Variants in CTNND2 observed in about 807,000 individuals in gnomAD.
The protein encoded by CTNND2 is catenin delta-2.
In CTNND2, 22 loss-of-function variants were observed where a neutral mutation model predicts 144.4. The observed-to-expected ratio is 0.15, with a 90% CI of 0.11 to 0.22. The LOEUF (loss-of-function observed/expected upper bound fraction) is 0.22, where lower values mean the gene tolerates loss of function less well. CTNND2 is among the 10% of genes least tolerant of loss of function. The pLI, the probability that CTNND2 is intolerant of heterozygous loss-of-function variation, is 1.00. For synonymous variants in CTNND2, 751 were observed against 695.6 expected (o/e 1.08, Z -1.25); for missense variants, 1,353 against 1,618.8 (o/e 0.84, Z 2.82).
intron 14 of CTNND2, among the ~76,000 whole-genome samples, chr5:11,110,321 C>T (rs1463646662): frequency 6.6e-6 from 1 of 152,190 alleles, no homozygotes; most frequent in Non-Finnish European, 1.5e-5. Context: ...TGAATTGTTC[C>T]CCACGGCCAA....
At chr5:11,864,256 T>C (rs1048941809) in intron 1 of CTNND2, among the ~76,000 whole-genome samples, 2 of 152,152 alleles carry the variant, frequency 1.3e-5, no homozygotes, top group Admixed American at 6.5e-5. Flanking sequence ...AAATCGTTCT[T>C]CAATTTTAAC....
chr5:11,566,544 T>A (rs1159601975), intron 2 of CTNND2, among the ~76,000 whole-genome samples: 1 of 152,240 alleles, frequency 6.6e-6, no homozygotes, highest in African/African-American at 2.4e-5. Context: ...ACTTTTAAGT[T>A]GATAACACTT....
chr5:11,134,543 G>C (rs1197259735), intron 12 of CTNND2, among the ~76,000 whole-genome samples: 1 of 152,122 alleles, frequency 6.6e-6, no homozygotes, highest in Non-Finnish European at 1.5e-5. Flanking sequence ...AAAACAAAAG[G>C]AAACCCACCA....
At chr5:11,372,541 C>T (rs1412083148) in intron 7 of CTNND2, among the ~76,000 whole-genome samples, 5 of 152,078 alleles carry the variant, frequency 3.3e-5, no homozygotes, top group East Asian at 1.9e-4. Context: ...AACAAAGAAC[C>T]GGTAGGAACC....
intron 2 of CTNND2, among the ~76,000 whole-genome samples, chr5:11,576,399 TTAAA>T (rs1260001868): frequency 2.7e-5 from 4 of 149,976 alleles, no homozygotes; most frequent in South Asian, 2.1e-4. Flanking sequence ...ACAATTAAGA[TTAAA>T]TAATTATATA....
In CTNND2 at chr5:11,214,048, G is replaced by A. The variant is rs56385339; in HGVS notation, c.1762-14387C>T. On this transcript the variant is annotated intron_variant, in intron 10 of 21. Coordinates refer to ENST00000304623, the MANE Select transcript of CTNND2 (RefSeq NM_001332.4). ...CACCACTTGTGGGTTCAGAGGGCCT[G>A]CCTGTAGGTACTCTCCTTTCCAATA... Among the ~76,000 whole-genome samples the A allele has an allele frequency of 7.8e-4, 119 of 152,216 alleles. 1 individual carries two copies. In the South Asian group the frequency reaches 9.5e-3, roughly 12 times the overall value.
chr5:11,233,423 C>T (rs1580661202), intron 10 of CTNND2, among the ~76,000 whole-genome samples: 2 of 152,280 alleles, frequency 1.3e-5, no homozygotes, highest in East Asian at 3.9e-4. Context: ...GTTCAATGGC[C>T]TACCCATTGT....
At chr5:11,048,089 T>C (rs1745464325) in intron 16 of CTNND2, among the ~76,000 whole-genome samples, 1 of 152,094 alleles carries the variant, frequency 6.6e-6, no homozygotes, top group African/African-American at 2.4e-5. Context: ...GTCCATTCAC[T>C]TCAGTACCCT....
chr5:11,899,419 T>C (rs1391886889), intron 1 of CTNND2, among the ~76,000 whole-genome samples: 1 of 152,204 alleles, frequency 6.6e-6, no homozygotes, highest in African/African-American at 2.4e-5. Context: ...TGTTGGGAGA[T>C]ATAATTTACT....
chr5:11,753,445 T>G (rs1788736047), intron 1 of CTNND2, among the ~76,000 whole-genome samples: 1 of 151,886 alleles, frequency 6.6e-6, no homozygotes, highest in Non-Finnish European at 1.5e-5. Context: ...TTTCATGTTT[T>G]TAGTTCTATT....
chr5:11,312,200 CAT>C (rs1751041509), intron 9 of CTNND2, among the ~76,000 whole-genome samples: 5 of 148,568 alleles, frequency 3.4e-5, no homozygotes, highest in Admixed American at 6.7e-5. Context: ...ACTCACCCCA[CAT>C]ACACACTCAC....
In CTNND2 at chr5:11,342,605, T is replaced by C. The variant is rs987903854; in HGVS notation, c.1628+3767A>G. On this transcript the variant is annotated intron_variant, in intron 9 of 21. Coordinates refer to ENST00000304623, the MANE Select transcript of CTNND2 (RefSeq NM_001332.4). Reference sequence around the variant, plus strand: ...TCAAAAAGGGATTAATCAAACACGATTAAAAGTTGCTATTACTGCTACAAT... The same window carrying C: ...TCAAAAAGGGATTAATCAAACACGACTAAAAGTTGCTATTACTGCTACAAT... Among the ~76,000 whole-genome samples the C allele has an allele frequency of 5.3e-5, 8 of 152,244 alleles. No individual in the cohort carries two copies. The East Asian group carries it at 1.5e-3, about 29-fold the overall frequency.
At chr5:11,623,394 AAGGGTTTCCCCT>A (rs1561630403) in intron 2 of CTNND2, among the ~76,000 whole-genome samples, 1 of 151,888 alleles carries the variant, frequency 6.6e-6, no homozygotes, top group East Asian at 1.9e-4. Flanking sequence ...TTATTTTATA[AAGGGTTTCCCCT>A]TTCTCTTGGC....
At chr5:11,809,137 G>A (rs1401303265) in intron 1 of CTNND2, among the ~76,000 whole-genome samples, 1 of 152,146 alleles carries the variant, frequency 6.6e-6, no homozygotes, top group Non-Finnish European at 1.5e-5. Context: ...TGACAAATGT[G>A]GATGTTTTCA....
chr5:11,442,940 T>C (rs1382822603), intron 3 of CTNND2, among the ~76,000 whole-genome samples: 1 of 147,360 alleles, frequency 6.8e-6, no homozygotes, highest in Non-Finnish European at 1.5e-5. Flanking sequence ...AATAAATACA[T>C]ATAATAATTA....
At chr5:11,534,968 C>A (rs549674428) in intron 3 of CTNND2, among the ~76,000 whole-genome samples, 2 of 152,168 alleles carry the variant, frequency 1.3e-5, no homozygotes, top group East Asian at 3.9e-4. Context: ...AGGTGGATCA[C>A]CTGAGGTCAG....
chr5:11,810,791 T>C (rs1792288166), intron 1 of CTNND2, among the ~76,000 whole-genome samples: 1 of 152,180 alleles, frequency 6.6e-6, no homozygotes, highest in Admixed American at 6.5e-5. Flanking sequence ...CGCATTGTCA[T>C]ACTACTTTAA....
intron 1 of CTNND2, among the ~76,000 whole-genome samples, chr5:11,879,574 A>G (rs950809366): frequency 1.3e-5 from 2 of 151,842 alleles, no homozygotes; most frequent in Admixed American, 1.3e-4. Flanking sequence ...ATTTCCAATC[A>G]CAATTCACAT....
intron 2 of CTNND2, among the ~76,000 whole-genome samples, chr5:11,680,538 C>T (rs1425028608): frequency 6.6e-6 from 1 of 152,082 alleles, no homozygotes; most frequent in African/African-American, 2.4e-5. Context: ...AGGTTAAAAC[C>T]CTGTCTTAAA....
Sources: allele counts gnomAD v4.1 joint callset (sites outside exome capture counted in the v4.1 genomes callset), GRCh38; gene constraint gnomAD v4.1.1; transcripts MANE v1.5; gene names NCBI Gene and HGNC (gene_info 2026-07-23, HGNC 2026-07-21).